The following ADGRL3 variants were observed in gnomAD, a reference collection of about 807,000 sequenced individuals.
ADGRL3 encodes calcium-independent alpha-latrotoxin receptor 3.
In ADGRL3, 62 loss-of-function variants were observed where a neutral mutation model predicts 153.5. The observed-to-expected ratio is 0.40, with a 90% CI of 0.33 to 0.50. ADGRL3 has a LOEUF of 0.50. ADGRL3 is among the 20% of genes least tolerant of loss of function. ADGRL3 has a pLI of 0.47. For missense variants in ADGRL3, 1,641 were observed against 1,859.4 expected (o/e 0.88, Z 2.16); for synonymous variants, 710 against 672.5 (o/e 1.06, Z -0.86).
At chr4:61,245,174 G>A (rs1178592951) in intron 1 of ADGRL3, among the ~76,000 whole-genome samples, 2 of 151,936 alleles carry the variant, frequency 1.3e-5, no homozygotes, top group Non-Finnish European at 2.9e-5. Flanking sequence ...AGACTGTCAA[G>A]GACAGCTGAA....
chr4:61,762,481 T>G (rs1340678673), intron 8 of ADGRL3, among the ~76,000 whole-genome samples: 1 of 152,122 alleles, frequency 6.6e-6, no homozygotes, highest in African/African-American at 2.4e-5. Context: ...TATTTAAATT[T>G]GATATTGAGG....
chr4:61,813,712 C>T, intron 8 of ADGRL3, 97 bp from the exon 9 acceptor site: 1 of 1,388,506 alleles, frequency 7.2e-7, no homozygotes, highest in Non-Finnish European at 9.8e-7. Flanking sequence ...GCTATTAATT[C>T]AGTTTGGAGT....
intron 9 of ADGRL3, among the ~76,000 whole-genome samples, chr4:61,882,189 A>G (rs987926746): frequency 5.3e-5 from 8 of 152,190 alleles, no homozygotes; most frequent in African/African-American, 1.9e-4. Flanking sequence ...TAATAATTGA[A>G]ATGGAACTAT....
At chr4:61,645,119 T>C (rs986665399) in intron 5 of ADGRL3, among the ~76,000 whole-genome samples, 1 of 7,458 alleles carries the variant, frequency 1.3e-4, no homozygotes, top group African/African-American at 3.0e-4. Context: ...CTGCCTTTTT[T>C]TGTTTTCCAT....
At chr4:61,560,644 TTTTA>T (rs562344049) in intron 4 of ADGRL3, among the ~76,000 whole-genome samples, 1 of 108,188 alleles carries the variant, frequency 9.2e-6, no homozygotes, top group Non-Finnish European at 1.9e-5. Flanking sequence ...TTTGTGGGGT[TTTTA>T]TTTATTTATT....
intron 5 of ADGRL3, among the ~76,000 whole-genome samples, chr4:61,673,876 C>G (rs2150844173): frequency 6.6e-6 from 1 of 151,078 alleles, no homozygotes; most frequent in African/African-American, 2.4e-5. Context: ...TAAATTACTG[C>G]TGTTTTATAT....
chr4:61,950,201 T>C (rs189834511), intron 17 of ADGRL3, among the ~76,000 whole-genome samples: 3 of 152,258 alleles, frequency 2.0e-5, no homozygotes, highest in East Asian at 3.9e-4. Flanking sequence ...AGTGTAATAA[T>C]AATAAATAAG....
chr4:61,581,666 A>G (rs1348244014), intron 4 of ADGRL3, among the ~76,000 whole-genome samples: 1 of 151,986 alleles, frequency 6.6e-6, no homozygotes, highest in Non-Finnish European at 1.5e-5. Flanking sequence ...ACTACCTTTT[A>G]ACTCTCAAAT....
At chr4:61,355,688 A>G (rs1027284422) in intron 1 of ADGRL3, among the ~76,000 whole-genome samples, 8 of 152,118 alleles carry the variant, frequency 5.3e-5, no homozygotes, top group Non-Finnish European at 1.2e-4. Flanking sequence ...CACTCTCTCC[A>G]TAAAATATGT....
At chr4:61,302,785 A>G (rs1474472495) in intron 1 of ADGRL3, among the ~76,000 whole-genome samples, 3 of 152,188 alleles carry the variant, frequency 2.0e-5, no homozygotes, top group Non-Finnish European at 2.9e-5. Flanking sequence ...ACATTTTACA[A>G]GTAGTCATCC....
chr4:61,668,478 C>T (rs2094879274), intron 5 of ADGRL3, among the ~76,000 whole-genome samples: 1 of 152,108 alleles, frequency 6.6e-6, no homozygotes, highest in South Asian at 2.1e-4. Context: ...ATACAATATC[C>T]TAGGTTCCAC....
At chr4:61,652,035 T>G (rs1311349271) in intron 5 of ADGRL3, among the ~76,000 whole-genome samples, 2 of 152,106 alleles carry the variant, frequency 1.3e-5, no homozygotes, top group Non-Finnish European at 2.9e-5. Context: ...TTGTTAACAA[T>G]TTTGTTCTGA....
intron 25 of ADGRL3, among the ~76,000 whole-genome samples, chr4:62,064,507 G>C (rs2052364703): frequency 6.6e-6 from 1 of 152,014 alleles, no homozygotes; most frequent in South Asian, 2.1e-4. Flanking sequence ...TTTTATAAAA[G>C]TCCTAGTCAG....
chr4:61,977,214 GT>G (rs1219514308), intron 17 of ADGRL3, among the ~76,000 whole-genome samples: 2 of 147,104 alleles, frequency 1.4e-5, no homozygotes, highest in African/African-American at 5.0e-5. Context: ...TTTTTTTCTT[GT>G]TCTTTTTTTT....
chr4:61,340,793 T>C (rs909831950), intron 1 of ADGRL3, among the ~76,000 whole-genome samples: 7 of 151,668 alleles, frequency 4.6e-5, no homozygotes, highest in African/African-American at 1.7e-4. Context: ...GATCTAGGTT[T>C]GTTTGCTGTA....
At chr4:62,067,950 G>A (rs1457674667) in intron 25 of ADGRL3, among the ~76,000 whole-genome samples, 2 of 152,014 alleles carry the variant, frequency 1.3e-5, no homozygotes, top group African/African-American at 4.8e-5. Context: ...ATTAGCATGT[G>A]TTAAGGGGGA....
intron 2 of ADGRL3, among the ~76,000 whole-genome samples, chr4:61,398,549 C>T (rs1219906030): frequency 6.6e-6 from 1 of 151,672 alleles, no homozygotes; most frequent in African/African-American, 2.4e-5. Context: ...GCAAACTTAA[C>T]CTGATGTATT....
chr4:61,695,514 T>G (rs1275930721), intron 6 of ADGRL3, among the ~76,000 whole-genome samples: 3 of 152,208 alleles, frequency 2.0e-5, no homozygotes, highest in African/African-American at 7.2e-5. Flanking sequence ...CCAGGCTTTG[T>G]TATTCCATCT....
At chr4:61,739,555 A>C (rs1253584657) in intron 8 of ADGRL3, among the ~76,000 whole-genome samples, 1 of 152,200 alleles carries the variant, frequency 6.6e-6, no homozygotes, top group Middle Eastern at 3.2e-3. Context: ...TGAATGATTA[A>C]ATGGATAAAT....
Sources: allele counts gnomAD v4.1 joint callset (sites outside exome capture counted in the v4.1 genomes callset), GRCh38; gene constraint gnomAD v4.1.1; transcripts MANE v1.5; gene names NCBI Gene and HGNC (gene_info 2026-07-23, HGNC 2026-07-21).